CDK19: variants seen among roughly 807,000 people sequenced by gnomAD.
CDK19 encodes the protein cyclin-dependent kinase 19.
CDK19 carries 20 observed loss-of-function variants against 68.3 expected under a neutral mutation model. That is an observed-to-expected ratio of 0.29 (90% confidence interval 0.21 to 0.43). CDK19 has a LOEUF of 0.43. Among genes scored for constraint, CDK19 ranks in the 20% least tolerant of loss-of-function variants. The pLI, the probability that CDK19 is intolerant of heterozygous loss-of-function variation, is 1.00. For missense variants in CDK19, 339 were observed against 623.5 expected (o/e 0.54, Z 4.86); for synonymous variants, 221 against 222.8 (o/e 0.99, Z 0.07).
chr6:110,804,626 G>A (rs145640901), intron 1 of CDK19, among the ~76,000 whole-genome samples: 6 of 150,098 alleles, frequency 4.0e-5, no homozygotes, highest in African/African-American at 1.5e-4. Context: ...GATAACAGGC[G>A]TGAGCCACCA....
chr6:110,707,748 A>C (rs113157987), intron 2 of CDK19, among the ~76,000 whole-genome samples: 2 of 152,124 alleles, frequency 1.3e-5, no homozygotes, highest in South Asian at 4.1e-4. Flanking sequence ...AGGCAGGTGA[A>C]ATCACCTGAG....
chr6:110,731,795 GCATAGACTATC>G (rs1311768102), intron 2 of CDK19, among the ~76,000 whole-genome samples: 2 of 152,002 alleles, frequency 1.3e-5, no homozygotes, highest in Non-Finnish European at 2.9e-5. Context: ...TATCCTATTT[GCATAGACTATC>G]CAATGTTCAA....
At chr6:110,615,909 C>A (rs2114565651) in intron 12 of CDK19, among the ~76,000 whole-genome samples, 1 of 152,228 alleles carries the variant, frequency 6.6e-6, no homozygotes, top group Non-Finnish European at 1.5e-5. Flanking sequence ...ATGACTCCAC[C>A]CAGACTGAGA....
intron 2 of CDK19, among the ~76,000 whole-genome samples, chr6:110,703,599 C>A (rs1347899165): frequency 6.6e-6 from 1 of 152,114 alleles, no homozygotes; most frequent in African/African-American, 2.4e-5. Flanking sequence ...CAGCACTTTA[C>A]CAGGCCAAAT....
At chr6:110,723,712 C>T (rs955359990) in intron 2 of CDK19, among the ~76,000 whole-genome samples, 1 of 152,190 alleles carries the variant, frequency 6.6e-6, no homozygotes, top group Non-Finnish European at 1.5e-5. Context: ...CCTTTTTATA[C>T]TTCAGCTCTT....
chr6:110,663,088 A>G (rs565437293), intron 4 of CDK19, among the ~76,000 whole-genome samples: 2 of 152,136 alleles, frequency 1.3e-5, no homozygotes, highest in Non-Finnish European at 2.9e-5. Context: ...TAAATTTTTT[A>G]TATTATACTG....
At chr6:110,707,260 C>T (rs562761251) in intron 2 of CDK19, among the ~76,000 whole-genome samples, 2 of 152,088 alleles carry the variant, frequency 1.3e-5, no homozygotes, top group East Asian at 1.9e-4. Context: ...CACTGGAACC[C>T]GGAAGGCAGA....
chr6:110,720,685 G>A (rs1775799695), intron 2 of CDK19, among the ~76,000 whole-genome samples: 1 of 151,944 alleles, frequency 6.6e-6, no homozygotes, highest in Non-Finnish European at 1.5e-5. Context: ...TGGCCAACAT[G>A]GTGAAACCCT....
At chr6:110,714,041 T>A (rs974156348) in intron 2 of CDK19, among the ~76,000 whole-genome samples, 2 of 151,660 alleles carry the variant, frequency 1.3e-5, no homozygotes. Context: ...TTCCAGAACA[T>A]TTTTATCACC....
At chr6:110,654,692 G>A (rs1338161096) in intron 4 of CDK19, among the ~76,000 whole-genome samples, 2 of 152,222 alleles carry the variant, frequency 1.3e-5, no homozygotes, top group Non-Finnish European at 2.9e-5. Context: ...TGTAATCCCA[G>A]AACATTGGGA....
intron 11 of CDK19, 47 bp downstream of exon 11, chr6:110,622,041 T>C: frequency 9.2e-7 from 1 of 1,086,312 alleles, no homozygotes; most frequent in South Asian, 1.6e-5. Flanking sequence ...ACTATCTTTT[T>C]GCCTCCCTTG....
intron 2 of CDK19, among the ~76,000 whole-genome samples, chr6:110,718,321 G>GA (rs1775561929): frequency 6.6e-6 from 1 of 152,088 alleles, no homozygotes; most frequent in African/African-American, 2.4e-5. Context: ...AACAGATGAC[G>GA]ACGCCTTAGG....
intron 2 of CDK19, among the ~76,000 whole-genome samples, chr6:110,704,069 G>T (rs1245027752): frequency 6.6e-6 from 1 of 152,096 alleles, no homozygotes; most frequent in African/African-American, 2.4e-5. Context: ...ACAATAATCA[G>T]GGCATGCATT....
intron 4 of CDK19, among the ~76,000 whole-genome samples, chr6:110,648,102 A>G (rs12202635): frequency 0.053 from 8,057 of 152,254 alleles, 229 homozygotes; most frequent in Middle Eastern, 0.085. Flanking sequence ...GGCACACACT[A>G]AAAACTAAGA....
intron 1 of CDK19, among the ~76,000 whole-genome samples, chr6:110,781,140 G>A (rs1008494341): frequency 6.6e-6 from 1 of 152,090 alleles, no homozygotes; most frequent in Non-Finnish European, 1.5e-5. Flanking sequence ...ATAAAGAAAA[G>A]AATTTTATTT....
Position 110,815,167 on chromosome 6 carries a change from C to T in CDK19, c.-31G>A, listed in dbSNP as rs1783528191. 6.5e-7 allele frequency: 1 copy of T among 1,535,282 alleles called. No individual in the cohort carries two copies. The highest frequency in any genetic ancestry group is 8.8e-7 in the Non-Finnish European group (1 of 1,139,640). On this transcript the variant is annotated 5_prime_UTR_variant, in exon 1 of 13. Coordinates refer to ENST00000368911, the MANE Select transcript of CDK19 (RefSeq NM_015076.5). ...GCTTCCCCCATAGAGGCACGGGACG[C>T]GGGGGCCGCCGCCGCTCAGTCCCTC...
chr6:110,697,199 C>CA (rs1773551994), intron 2 of CDK19, among the ~76,000 whole-genome samples: 2 of 151,888 alleles, frequency 1.3e-5, no homozygotes, highest in South Asian at 4.1e-4. Context: ...CATTGCACTC[C>CA]AGCCCGGGCA....
chr6:110,712,646 G>A (rs967113667), intron 2 of CDK19, among the ~76,000 whole-genome samples: 4 of 152,216 alleles, frequency 2.6e-5, no homozygotes, highest in African/African-American at 9.6e-5. Flanking sequence ...GGCAGAGGAT[G>A]CAGAGATGCT....
Position 110,739,438 on chromosome 6 carries a change from TAGG to T in CDK19, c.204+6685_204+6687del, listed in dbSNP as rs1562248442. 3.9e-5 allele frequency among the ~76,000 whole-genome samples: 6 copies of T among 152,070 alleles called. No individual in the cohort carries two copies. The East Asian group carries it at 1.2e-3, about 29-fold the overall frequency. On this transcript the variant is annotated intron_variant, in intron 2 of 12. Transcript: ENST00000368911. ...TCCCAGCCTCCAGAATTGTTAGAAA[TAGG>T]TGTTTATAAGCCACCAAGTCTATGG...
Sources: allele counts gnomAD v4.1 joint callset (sites outside exome capture counted in the v4.1 genomes callset), GRCh38; gene constraint gnomAD v4.1.1; transcripts MANE v1.5; gene names NCBI Gene and HGNC (gene_info 2026-07-23, HGNC 2026-07-21).